The following OCM variants were observed in gnomAD, a reference collection of about 807,000 sequenced individuals.
The protein encoded by OCM is oncomodulin.
In OCM, 18 loss-of-function variants were observed where a neutral mutation model predicts 14.1. That is an observed-to-expected ratio of 1.28 (90% CI 0.88 to 1.89). The LOEUF (loss-of-function observed/expected upper bound fraction) is 1.89. Ranked by LOEUF, OCM falls within the 40% of genes most tolerant of loss-of-function variation. The pLI is 0.00. For synonymous variants in OCM, 48 were observed against 51.0 expected, an observed-to-expected ratio of 0.94 and a Z score of 0.25; for missense variants, 140 against 137.6, an observed-to-expected ratio of 1.02 and a Z score of -0.09.
chr7:5,866,141 C>G, the OCM span, among the ~76,000 whole-genome samples: 1 of 150,174 alleles, frequency 6.7e-6, no homozygotes, highest in Non-Finnish European at 1.5e-5. Context: ...GGCAACATAG[C>G]AAAACCCCAG....
At chr7:5,860,530 G>A in the OCM span, among the ~76,000 whole-genome samples, 8,595 of 39,194 alleles carry the variant, frequency 0.22, 2,358 homozygotes, top group African/African-American at 0.58. Flanking sequence ...ATATACGTGT[G>A]TATATATATT....
upstream of OCM, among the ~76,000 whole-genome samples, chr7:5,880,133 A>G (rs1781178857): frequency 6.6e-6 from 1 of 152,182 alleles, no homozygotes; most frequent in Admixed American, 6.5e-5. Flanking sequence ...GGACAGGTGC[A>G]TGCCTTCTTC....
chr7:5,864,803 T>G, the OCM span, among the ~76,000 whole-genome samples: 5 of 151,966 alleles, frequency 3.3e-5, no homozygotes, highest in Non-Finnish European at 7.4e-5. Flanking sequence ...CCGGGCGTGG[T>G]GGTGCGTGCC....
the OCM span, among the ~76,000 whole-genome samples, chr7:5,874,066 A>T: frequency 1.4e-4 from 20 of 146,022 alleles, no homozygotes; most frequent in African/African-American, 4.7e-4. Context: ...AAATAAAAAA[A>T]AAAAAAAATT....
the OCM span, among the ~76,000 whole-genome samples, chr7:5,863,685 A>G: frequency 6.6e-6 from 1 of 152,060 alleles, no homozygotes; most frequent in East Asian, 1.9e-4. Context: ...GGTGCGCACC[A>G]CCACGCCCAG....
rs755888287 is a variant in OCM at position 5,880,906 on chromosome 7, T to C, written c.17T>C (p.Val6Ala). Residue 6 changes from valine (V) to alanine (A), a missense_variant, in exon 1 of 4, where the codon GTG (valine) becomes GCG (alanine). Coordinates refer to ENST00000242104, the MANE Select transcript of OCM (RefSeq NM_001097622.2). The stretch of plus-strand genomic sequence containing the variant: ...AGGTAGAAAATGAGCATCACGGACG[T>C]GCTCAGTGCTGACGACATTGCAGCA... MSITD[V>A]LSADDIAAAL... is the part of the protein sequence containing the mutation. 6.2e-7 allele frequency: 1 copy of C among 1,613,974 alleles called. No homozygotes were observed. The highest frequency in any genetic ancestry group is 1.3e-5 in the African/African-American group (1 of 75,000).
At chr7:5,866,477 A>AGAG in the OCM span, among the ~76,000 whole-genome samples, 2 of 147,526 alleles carry the variant, frequency 1.4e-5, no homozygotes, top group African/African-American at 5.1e-5. Flanking sequence ...GGGAAGAAGA[A>AGAG]AGAAAAGGAA....
chr7:5,881,912 C>T (rs1257298532), intron 1 of OCM, among the ~76,000 whole-genome samples: 1 of 151,676 alleles, frequency 6.6e-6, no homozygotes, highest in Non-Finnish European at 1.5e-5. Flanking sequence ...CATGGCAAAA[C>T]CCTGTCTCTA....
At chr7:5,871,012 C>T in the OCM span, among the ~76,000 whole-genome samples, 2 of 152,016 alleles carry the variant, frequency 1.3e-5, no homozygotes, top group Non-Finnish European at 2.9e-5. Context: ...TCAGCCTCCT[C>T]GCCAGTAGCT....
At chr7:5,884,836 G>A (rs1037721478) in intron 3 of OCM, among the ~76,000 whole-genome samples, 1 of 151,982 alleles carries the variant, frequency 6.6e-6, no homozygotes, top group Non-Finnish European at 1.5e-5. Context: ...AACATAACCA[G>A]GGGCTGGGCG....
intron 2 of OCM, among the ~76,000 whole-genome samples, chr7:5,883,354 T>C (rs951761951): frequency 2.0e-5 from 3 of 149,422 alleles, no homozygotes; most frequent in African/African-American, 7.4e-5. Flanking sequence ...CTGTCTCAAA[T>C]AAATAAATAA....
chr7:5,868,586 G>GA, the OCM span, among the ~76,000 whole-genome samples: 2 of 151,836 alleles, frequency 1.3e-5, no homozygotes, highest in African/African-American at 4.8e-5. Context: ...GAGTGAGGGG[G>GA]AAAAAAGACA....
At chr7:5,882,690 G>A in intron 2 of OCM, 65 bp downstream of exon 2, 3 of 1,582,254 alleles carry the variant, frequency 1.9e-6, no homozygotes, top group Non-Finnish European at 2.6e-6. Context: ...TGCAGTGGGG[G>A]CCAGGTTGCT....
At chr7:5,875,342 C>T (rs1781075291), upstream of OCM, among the ~76,000 whole-genome samples, 1 of 152,108 alleles carries the variant, frequency 6.6e-6, no homozygotes, top group Non-Finnish European at 1.5e-5. Flanking sequence ...CAGGTGTAAG[C>T]CACGGCGCCC....
upstream of OCM, chr7:5,880,731 C>A (rs1781193467): frequency 3.1e-6 from 2 of 639,828 alleles, no homozygotes; most frequent in Non-Finnish European, 5.3e-6. Context: ...TGCACTCCAG[C>A]CTGGGTGACA....
chr7:5,877,742 C>T (rs1371992649), upstream of OCM, among the ~76,000 whole-genome samples: 114 of 138,532 alleles, frequency 8.2e-4, 1 homozygote, highest in African/African-American at 2.8e-3. Flanking sequence ...ATTGCTTGAA[C>T]CTGGGAGGTG....
chr7:5,873,211 C>G, the OCM span, among the ~76,000 whole-genome samples: 1 of 152,028 alleles, frequency 6.6e-6, no homozygotes, highest in Non-Finnish European at 1.5e-5. Context: ...CCTGTCTCTA[C>G]TAAAACTACA....
At chr7:5,868,256 C>T in the OCM span, among the ~76,000 whole-genome samples, 1 of 152,088 alleles carries the variant, frequency 6.6e-6, no homozygotes, top group Non-Finnish European at 1.5e-5. Context: ...AAGCGATTCT[C>T]CTGCCTCAAC....
chr7:5,883,825 A>T, intron 2 of OCM, 65 bp from the exon 3 acceptor site: 1 of 1,597,744 alleles, frequency 6.3e-7, no homozygotes, highest in South Asian at 1.1e-5. Context: ...GAGGAAAAAC[A>T]AAAGTGTAAA....
Sources: gnomAD v4.1 joint callset for allele counts (sites outside exome capture counted in the v4.1 genomes callset) on GRCh38, gnomAD v4.1.1 for gene constraint, MANE v1.5 for transcripts, NCBI Gene and HGNC (gene_info 2026-07-23, HGNC 2026-07-21) for gene names.